PCDH9: variants seen among roughly 807,000 people sequenced by gnomAD.
The protein encoded by PCDH9 is protocadherin 9.
A neutral mutation model predicts 70.6 loss-of-function variants in PCDH9; 24 were observed. That is an observed-to-expected ratio of 0.34 (90% CI 0.25 to 0.48). The LOEUF is 0.48. PCDH9 is among the 20% of genes least tolerant of loss of function. The pLI is 0.99. For synonymous variants in PCDH9, 562 were observed against 558.5 expected, an observed-to-expected ratio of 1.01 and a Z score of -0.09; for missense variants, 1,281 against 1,503.6, an observed-to-expected ratio of 0.85 and a Z score of 2.45.
In PCDH9 at chr13:66,628,114, C is replaced by T. The variant is rs370068548; in HGVS notation, c.3340+3096G>A. On this transcript the variant is annotated intron_variant, in intron 4 of 4. Coordinates refer to ENST00000377865, the MANE Select transcript of PCDH9 (RefSeq NM_203487.3). ...GTATTGGTAAAAATTATTTTCTAGC[C>T]GAAAAAACAAAGATAAATACAAAAC... 5.3e-5 allele frequency among the ~76,000 whole-genome samples: 8 copies of T among 151,890 alleles called. No homozygotes were observed. In the East Asian group the frequency reaches 7.8e-4, roughly 15 times the overall value.
intron 2 of PCDH9, chr13:67,002,022 T>C (rs2084255681): frequency 6.6e-6 from 1 of 152,212 alleles, no homozygotes; most frequent in African/African-American, 2.4e-5. Flanking sequence ...GCTCCTTGTT[T>C]TCAGAAAGAG....
chr13:66,553,047 G>T (rs1961561804), intron 4 of PCDH9, among the ~76,000 whole-genome samples: 1 of 152,096 alleles, frequency 6.6e-6, no homozygotes, highest in African/African-American at 2.4e-5. Context: ...CCACTCCCAA[G>T]ATTCAATTAC....
intron 2 of PCDH9, among the ~76,000 whole-genome samples, chr13:67,189,113 C>T (rs2088839998): frequency 6.6e-6 from 1 of 151,628 alleles, no homozygotes; most frequent in Non-Finnish European, 1.5e-5. Flanking sequence ...CTGAGAATGC[C>T]GTTAATTCCT....
At chr13:66,752,492 T>A (rs1283634687) in intron 3 of PCDH9, among the ~76,000 whole-genome samples, 1 of 152,162 alleles carries the variant, frequency 6.6e-6, no homozygotes, top group Admixed American at 6.5e-5. Flanking sequence ...AGACAGGGTT[T>A]CACCATGTTG....
At chr13:66,801,302 T>C (rs1351856957) in intron 3 of PCDH9, among the ~76,000 whole-genome samples, 2 of 152,134 alleles carry the variant, frequency 1.3e-5, no homozygotes, top group African/African-American at 2.4e-5. Context: ...ATGTAAGTAG[T>C]GACCAATAGA....
chr13:66,397,478 G>A (rs73205676), intron 4 of PCDH9, among the ~76,000 whole-genome samples: 1,724 of 147,772 alleles, frequency 0.012, 18 homozygotes, highest in Middle Eastern at 0.035. Flanking sequence ...GTGTGTGTGT[G>A]TATATATATA....
intron 4 of PCDH9, among the ~76,000 whole-genome samples, chr13:66,468,804 C>T (rs1026240755): frequency 2.6e-5 from 4 of 151,980 alleles, no homozygotes; most frequent in African/African-American, 9.7e-5. Context: ...GTGAGTATAT[C>T]TTTTTTATAG....
At chr13:66,560,428 C>T (rs1433158335) in intron 4 of PCDH9, among the ~76,000 whole-genome samples, 1 of 150,926 alleles carries the variant, frequency 6.6e-6, no homozygotes, top group East Asian at 1.9e-4. Context: ...AGGAGCTGGA[C>T]CTTGTGCACT....
intron 2 of PCDH9, among the ~76,000 whole-genome samples, chr13:67,003,138 T>C (rs972362592): frequency 1.3e-5 from 2 of 152,152 alleles, no homozygotes; most frequent in Admixed American, 1.3e-4. Context: ...TTAAGGAGCT[T>C]TCTCACAATT....
At chr13:66,854,418 C>T (rs2081362066) in intron 3 of PCDH9, among the ~76,000 whole-genome samples, 1 of 152,096 alleles carries the variant, frequency 6.6e-6, no homozygotes, top group African/African-American at 2.4e-5. Flanking sequence ...TTCATGGATT[C>T]TATATTCGTG....
chr13:66,951,000 T>C (rs2083170955), intron 2 of PCDH9, among the ~76,000 whole-genome samples: 1 of 152,210 alleles, frequency 6.6e-6, no homozygotes. Flanking sequence ...TAATTTATTT[T>C]TCTCAATGTT....
chr13:67,006,070 C>CA (rs1002686270), intron 2 of PCDH9, among the ~76,000 whole-genome samples: 102 of 152,164 alleles, frequency 6.7e-4, no homozygotes, highest in African/African-American at 2.4e-3. Flanking sequence ...ATTAAATATA[C>CA]AAAAAAATTA....
At chr13:66,685,472 C>T (rs2078387675) in intron 3 of PCDH9, among the ~76,000 whole-genome samples, 1 of 152,142 alleles carries the variant, frequency 6.6e-6, no homozygotes, top group South Asian at 2.1e-4. Flanking sequence ...GGGGTGGAGC[C>T]CTCATGGAGA....
chr13:67,046,251 C>T (rs955016527), intron 2 of PCDH9, among the ~76,000 whole-genome samples: 18 of 152,154 alleles, frequency 1.2e-4, no homozygotes, highest in African/African-American at 4.3e-4. Flanking sequence ...CTAGCATGGG[C>T]TGCTAATGGA....
chr13:66,627,819 G>A (rs1308786725), intron 4 of PCDH9, among the ~76,000 whole-genome samples: 1 of 152,172 alleles, frequency 6.6e-6, no homozygotes, highest in Non-Finnish European at 1.5e-5. Context: ...CTTGAAGCTA[G>A]TTTGAAAGGT....
intron 2 of PCDH9, among the ~76,000 whole-genome samples, chr13:67,018,566 C>A (rs1458849798): frequency 6.7e-6 from 1 of 150,370 alleles, no homozygotes; most frequent in Non-Finnish European, 1.5e-5. Context: ...TTGCAGTGAA[C>A]CTAGATTGTG....
intron 3 of PCDH9, among the ~76,000 whole-genome samples, chr13:66,677,201 T>C (rs563802800): frequency 1.2e-4 from 19 of 152,082 alleles, no homozygotes; most frequent in Non-Finnish European, 2.5e-4. Flanking sequence ...AATAGAATTT[T>C]TATAAATGCT....
At chr13:66,741,597 T>C (rs763814880) in intron 3 of PCDH9, among the ~76,000 whole-genome samples, 3 of 13,464 alleles carry the variant, frequency 2.2e-4, no homozygotes, top group Non-Finnish European at 6.5e-4. Context: ...AAAACCCCAT[T>C]GTCTCAGCCC....
chr13:66,990,792 A>G (rs2083987258), intron 2 of PCDH9: 1 of 151,718 alleles, frequency 6.6e-6, no homozygotes, highest in African/African-American at 2.4e-5. Context: ...TGATGTAATC[A>G]TCATCCAGCA....
Sources: allele counts gnomAD v4.1 joint callset (sites outside exome capture counted in the v4.1 genomes callset), GRCh38; gene constraint gnomAD v4.1.1; transcripts MANE v1.5; gene names NCBI Gene and HGNC (gene_info 2026-07-23, HGNC 2026-07-21).